CFAP299: variants seen among roughly 807,000 people sequenced by gnomAD.
CFAP299 encodes the protein cilia and flagella associated protein 299.
In CFAP299, 21 loss-of-function variants were observed where a neutral mutation model predicts 27.0. The ratio of observed to expected loss-of-function variants is 0.78; its 90% CI spans 0.55 to 1.12. CFAP299 has a LOEUF of 1.12. Among genes scored for constraint, CFAP299 ranks in the 50% most tolerant of loss-of-function variants. The probability of loss-of-function intolerance (pLI) is 0.00; values close to 1 mark genes in which losing one functional copy is unlikely to be tolerated. For synonymous variants in CFAP299, 104 were observed against 98.1 expected (o/e 1.06, Z -0.36); for missense variants, 310 against 276.6 (o/e 1.12, Z -0.86).
chr4:80,518,802 C>T (rs1732724720), intron 2 of CFAP299, among the ~76,000 whole-genome samples: 1 of 152,078 alleles, frequency 6.6e-6, no homozygotes, highest in Non-Finnish European at 1.5e-5. Flanking sequence ...TTAGAATTAG[C>T]AATTATGGCT....
intron 3 of CFAP299, among the ~76,000 whole-genome samples, chr4:80,844,572 A>G (rs954392775): frequency 2.6e-5 from 4 of 152,050 alleles, no homozygotes; most frequent in Admixed American, 2.6e-4. Context: ...TTGTCTGTTC[A>G]TATCCTTCGC....
chr4:80,669,983 T>G (rs1482229406), intron 3 of CFAP299, among the ~76,000 whole-genome samples: 1 of 151,914 alleles, frequency 6.6e-6, no homozygotes, highest in Non-Finnish European at 1.5e-5. Flanking sequence ...TTTTATGGAA[T>G]TTTTTTTCAT....
intron 2 of CFAP299, among the ~76,000 whole-genome samples, chr4:80,471,077 A>G (rs1420390311): frequency 1.3e-5 from 2 of 152,054 alleles, no homozygotes; most frequent in Non-Finnish European, 2.9e-5. Context: ...TGTTATCCCT[A>G]TTTTACAAAG....
intron 1 of CFAP299, among the ~76,000 whole-genome samples, chr4:80,338,101 C>G (rs1722249863): frequency 6.6e-6 from 1 of 152,148 alleles, no homozygotes; most frequent in Non-Finnish European, 1.5e-5. Flanking sequence ...TCCTCTCTCT[C>G]TCTCTCACAC....
chr4:80,728,296 T>G (rs1723277199), intron 3 of CFAP299, among the ~76,000 whole-genome samples: 1 of 152,172 alleles, frequency 6.6e-6, no homozygotes, highest in African/African-American at 2.4e-5. Context: ...AACTTTGGTT[T>G]AACACTTCTC....
chr4:80,838,007 T>A (rs1730660294), intron 3 of CFAP299, among the ~76,000 whole-genome samples: 1 of 152,222 alleles, frequency 6.6e-6, no homozygotes. Context: ...TAATTTTCAT[T>A]TATCTAATGA....
intron 3 of CFAP299, among the ~76,000 whole-genome samples, chr4:80,752,737 T>C (rs1462243176): frequency 6.6e-6 from 1 of 151,940 alleles, no homozygotes; most frequent in Admixed American, 6.6e-5. Context: ...ATGAATTAAG[T>C]ATTTTTACAA....
rs141524049 is a variant in CFAP299, at chr4:80,873,609, A to G, written c.476+3474A>G. 7.2e-4 allele frequency among the ~76,000 whole-genome samples: 110 copies of G among 152,340 alleles called. 2 individuals are homozygous for G. Among genetic ancestry groups the G allele is most frequent in the Non-Finnish European group, 5.3e-4 (36 of 68,014 alleles). On this transcript the variant is annotated intron_variant, in intron 4 of 5. Transcript: ENST00000358105. Reference sequence around the variant, plus strand: ...AAAGATAAAGAGTAAACCACTTACTAAAGTTCATAAGTGAAACACTGATGA... The same window carrying G: ...AAAGATAAAGAGTAAACCACTTACTGAAGTTCATAAGTGAAACACTGATGA...
At chr4:80,791,669 T>C (rs574161140) in intron 3 of CFAP299, among the ~76,000 whole-genome samples, 1 of 152,008 alleles carries the variant, frequency 6.6e-6, no homozygotes, top group South Asian at 2.1e-4. Context: ...CCCCTAAATA[T>C]GTGCAAGCTG....
At position 80,650,063 on chromosome 4, in the gene CFAP299, C is replaced by T. The variant is rs147279639; in HGVS notation, c.333+66880C>T. 6.7e-3 allele frequency among the ~76,000 whole-genome samples: 1,023 copies of T among 151,890 alleles called. 12 individuals carry two copies. The highest frequency in any genetic ancestry group is 0.023 in the African/African-American group (973 of 41,444). On this transcript the variant is annotated intron_variant, in intron 3 of 5. Transcript: ENST00000358105. ...GCAAAATAGTGACAAAATAATCATA[C>T]AGAAGTGCTTTGTAAAATGCATATA... is the stretch of plus-strand genomic sequence containing the variant.
chr4:80,324,828 A>G, the CFAP299 span, among the ~76,000 whole-genome samples: 648 of 152,314 alleles, frequency 4.3e-3, 8 homozygotes, highest in African/African-American at 0.015. Flanking sequence ...GGCGAGGTAA[A>G]AAAAGAATCA....
At chr4:80,449,926 A>G (rs11724367) in intron 2 of CFAP299, among the ~76,000 whole-genome samples, 142,482 of 152,136 alleles carry the variant, frequency 0.94, 67,326 homozygotes, top group East Asian at 1. Context: ...GAAATTCATC[A>G]TCACTAATTG....
intron 3 of CFAP299, among the ~76,000 whole-genome samples, chr4:80,694,677 A>G (rs1402471442): frequency 5.3e-5 from 8 of 152,314 alleles, no homozygotes; most frequent in Non-Finnish European, 1.2e-4. Context: ...TCAGCTTTCA[A>G]TAGGAATAAT....
chr4:80,851,384 C>G (rs547825687), intron 3 of CFAP299, among the ~76,000 whole-genome samples: 1 of 152,204 alleles, frequency 6.6e-6, no homozygotes, highest in East Asian at 1.9e-4. Context: ...TAAATTCTTT[C>G]TTTTAAACCT....
At chr4:80,354,012 G>T (rs1723136705) in intron 1 of CFAP299, among the ~76,000 whole-genome samples, 1 of 152,190 alleles carries the variant, frequency 6.6e-6, no homozygotes, top group Admixed American at 6.6e-5. Context: ...AATGACCTAA[G>T]AAGACTGTTT....
intron 3 of CFAP299, among the ~76,000 whole-genome samples, chr4:80,789,903 T>A (rs913509117): frequency 6.6e-6 from 1 of 152,008 alleles, no homozygotes; most frequent in Non-Finnish European, 1.5e-5. Flanking sequence ...ACAAATGAAA[T>A]ATGTCTTTAT....
At chr4:80,435,587 A>G (rs1316521187) in intron 2 of CFAP299, among the ~76,000 whole-genome samples, 2 of 152,218 alleles carry the variant, frequency 1.3e-5, no homozygotes, top group Non-Finnish European at 2.9e-5. Flanking sequence ...CAATCTCCCA[A>G]GAAGAATGAT....
intron 3 of CFAP299, among the ~76,000 whole-genome samples, chr4:80,798,559 G>C (rs1379643580): frequency 6.6e-6 from 1 of 152,050 alleles, no homozygotes; most frequent in Admixed American, 6.6e-5. Flanking sequence ...TTGCAGGTCA[G>C]CCACTTGCAT....
intron 3 of CFAP299, among the ~76,000 whole-genome samples, chr4:80,684,577 T>C (rs1001116125): frequency 7.2e-5 from 11 of 152,182 alleles, no homozygotes; most frequent in Admixed American, 2.6e-4. Flanking sequence ...CTGAGATGAC[T>C]ATTTTAAGAA....
Sources: allele counts gnomAD v4.1 joint callset (sites outside exome capture counted in the v4.1 genomes callset), GRCh38; gene constraint gnomAD v4.1.1; transcripts MANE v1.5; gene names NCBI Gene and HGNC (gene_info 2026-07-23, HGNC 2026-07-21).